The following TNFSF4 variants were observed in gnomAD, a reference collection of about 807,000 sequenced individuals.
TNFSF4 encodes TNF superfamily member 4, also known as tumor necrosis factor ligand superfamily member 4.
A neutral mutation model predicts 7.3 loss-of-function variants in TNFSF4; 4 were observed. That is an observed-to-expected ratio of 0.55 (90% CI 0.27 to 1.25). The LOEUF (loss-of-function observed/expected upper bound fraction) is 1.25, where lower values mean the gene tolerates loss of function less well. TNFSF4 is among the 50% of genes most tolerant of loss of function. The pLI, the probability that TNFSF4 is intolerant of heterozygous loss-of-function variation, is 0.12. For missense variants in TNFSF4, 181 were observed against 208.8 expected, an observed-to-expected ratio of 0.87 and a Z score of 0.82; for synonymous variants, 76 against 83.7, an observed-to-expected ratio of 0.91 and a Z score of 0.50.
chr1:173,228,617 G>T, the TNFSF4 span, among the ~76,000 whole-genome samples: 239 of 152,222 alleles, frequency 1.6e-3, 1 homozygote, highest in Non-Finnish European at 2.5e-3. Context: ...GGCTTCAGAT[G>T]ATCAAATTTC....
At chr1:173,197,066 A>G (rs1649734027) in intron 1 of TNFSF4, among the ~76,000 whole-genome samples, 1 of 152,224 alleles carries the variant, frequency 6.6e-6, no homozygotes, top group Admixed American at 6.5e-5. Flanking sequence ...ATCAGCTACA[A>G]GATCATGTAA....
the TNFSF4 span, among the ~76,000 whole-genome samples, chr1:173,337,156 G>A: frequency 6.6e-6 from 1 of 152,156 alleles, no homozygotes; most frequent in Non-Finnish European, 1.5e-5. Context: ...TCTTATAGGT[G>A]TATTGCAGTG....
chr1:173,311,660 T>C, the TNFSF4 span, among the ~76,000 whole-genome samples: 1 of 151,954 alleles, frequency 6.6e-6, no homozygotes, highest in African/African-American at 2.4e-5. Flanking sequence ...TAGGGTAAGG[T>C]GTCCATGAGG....
the TNFSF4 span, among the ~76,000 whole-genome samples, chr1:173,441,698 C>T: frequency 3.9e-5 from 6 of 152,092 alleles, no homozygotes; most frequent in Non-Finnish European, 1.5e-5. Context: ...TTAAAGTGGG[C>T]GCTTTAAACA....
chr1:173,257,077 A>G, the TNFSF4 span, among the ~76,000 whole-genome samples: 1 of 152,236 alleles, frequency 6.6e-6, no homozygotes, highest in Admixed American at 6.5e-5. Context: ...ATGAGCCCAG[A>G]TCTCCCTCTC....
chr1:173,311,995 GC>G, the TNFSF4 span, among the ~76,000 whole-genome samples: 1 of 152,088 alleles, frequency 6.6e-6, no homozygotes, highest in Non-Finnish European at 1.5e-5. Context: ...CTGGCATGGA[GC>G]AAGGACCTTA....
chr1:173,323,822 A>T, the TNFSF4 span, among the ~76,000 whole-genome samples: 68,329 of 151,924 alleles, frequency 0.45, 16,917 homozygotes, highest in East Asian at 0.72. Context: ...AAAAAGAATT[A>T]AAAAAAATGA....
chr1:173,405,289 TG>T, the TNFSF4 span, among the ~76,000 whole-genome samples: 1 of 152,248 alleles, frequency 6.6e-6, no homozygotes, highest in Non-Finnish European at 1.5e-5. Flanking sequence ...TGGGTGTAGC[TG>T]GGGTCCAGTA....
the TNFSF4 span, among the ~76,000 whole-genome samples, chr1:173,411,032 G>A: frequency 3.9e-5 from 6 of 152,250 alleles, no homozygotes; most frequent in Non-Finnish European, 7.3e-5. Context: ...CTTGGGGGAA[G>A]TCCCTCTGAT....
the TNFSF4 span, among the ~76,000 whole-genome samples, chr1:173,392,199 A>G: frequency 0.013 from 1,983 of 152,268 alleles, 45 homozygotes; most frequent in African/African-American, 0.046. Context: ...GTGGGCCCCA[A>G]TTTCCTCCTC....
the TNFSF4 span, among the ~76,000 whole-genome samples, chr1:173,413,082 G>C: frequency 6.6e-6 from 1 of 152,152 alleles, no homozygotes; most frequent in Non-Finnish European, 1.5e-5. Flanking sequence ...ATCTCCAAGG[G>C]GGATTGAAAA....
chr1:173,207,150 C>T lies in TNFSF4; in HGVS notation c.27G>A (p.Glu9=). 6.2e-7 allele frequency: 1 copy of T among 1,613,740 alleles called. No individual in the cohort carries two copies. The highest frequency in any genetic ancestry group is 8.5e-7 in the Non-Finnish European group (1 of 1,179,788). The change falls in exon 1 of 3, where the codon GAG becomes GAA. Residue 9 remains glutamate, a synonymous_variant. Transcript: ENST00000281834. The part of the protein sequence containing the change: MERVQPLE[E]NVGNAARPRF... The stretch of plus-strand genomic sequence containing the variant: ...TTGGCCTGGCTGCATTTCCCACATT[C>T]TCTTCCAGGGGTTGGACCCTTTCCA...
At chr1:173,242,979 A>G in the TNFSF4 span, among the ~76,000 whole-genome samples, 1 of 121,222 alleles carries the variant, frequency 8.2e-6, no homozygotes, top group Non-Finnish European at 1.6e-5. Context: ...GCTTTATGAA[A>G]TTAACCAGGT....
chr1:173,313,655 C>T, the TNFSF4 span, among the ~76,000 whole-genome samples: 9 of 152,022 alleles, frequency 5.9e-5, no homozygotes, highest in African/African-American at 1.9e-4. Context: ...CTTTCGATAA[C>T]CTCTCTGAGG....
the TNFSF4 span, among the ~76,000 whole-genome samples, chr1:173,395,301 A>C: frequency 6.8e-6 from 1 of 147,810 alleles, no homozygotes; most frequent in Non-Finnish European, 1.5e-5. Flanking sequence ...GGCAATAGAG[A>C]TACACAAAAT....
chr1:173,297,940 T>C, the TNFSF4 span, among the ~76,000 whole-genome samples: 1 of 151,922 alleles, frequency 6.6e-6, no homozygotes, highest in Non-Finnish European at 1.5e-5. Flanking sequence ...AAACCAAGGC[T>C]GTATCATCAA....
the TNFSF4 span, among the ~76,000 whole-genome samples, chr1:173,262,714 T>C: frequency 6.7e-6 from 1 of 149,574 alleles, no homozygotes; most frequent in Non-Finnish European, 1.5e-5. Flanking sequence ...GCCATTCTCC[T>C]GCCTCAGCCT....
chr1:173,354,067 A>T, the TNFSF4 span, among the ~76,000 whole-genome samples: 7 of 152,050 alleles, frequency 4.6e-5, no homozygotes, highest in South Asian at 8.3e-4. Context: ...GTGGTTTTTT[A>T]AAAAAATTAA....
chr1:173,399,523 G>A, the TNFSF4 span, among the ~76,000 whole-genome samples: 5 of 152,012 alleles, frequency 3.3e-5, no homozygotes, highest in African/African-American at 1.2e-4. Flanking sequence ...TTAGCTGGAA[G>A]GTCACTGACT....
Sources: gnomAD v4.1 joint callset for allele counts (sites outside exome capture counted in the v4.1 genomes callset) on GRCh38, gnomAD v4.1.1 for gene constraint, MANE v1.5 for transcripts, NCBI Gene and HGNC (gene_info 2026-07-23, HGNC 2026-07-21) for gene names.